Variants in WDFY3 observed in about 807,000 individuals in gnomAD.
The protein encoded by WDFY3 is WD repeat and FYVE domain containing 3, also known as WD repeat and FYVE domain-containing protein 3.
In WDFY3, 66 loss-of-function variants were observed where a neutral mutation model predicts 409.6. The observed-to-expected ratio is 0.16, with a 90% CI of 0.13 to 0.20. WDFY3 has a LOEUF of 0.20. Among genes scored for constraint, WDFY3 ranks in the 10% least tolerant of loss-of-function variants. The pLI is 1.00. For synonymous variants in WDFY3, 1,521 were observed against 1,537.1 expected, an observed-to-expected ratio of 0.99 and a Z score of 0.25; for missense variants, 3,031 against 4,298.1, an observed-to-expected ratio of 0.71 and a Z score of 8.24.
chr4:84,952,833 T>A (rs751633031), intron 1 of WDFY3, among the ~76,000 whole-genome samples: 2 of 152,116 alleles, frequency 1.3e-5, no homozygotes, highest in African/African-American at 4.8e-5. Context: ...TTAAAAAGCA[T>A]ACATGGTAGA....
rs552471287 is a variant in WDFY3, at chr4:84,672,272, A to C, written c.*596T>G. The stretch of plus-strand genomic sequence containing the variant: ...ACACAGGCTGAGCTTGAAAGGAAAA[A>C]AAGACCACAGATAATGTCTTTGGGG... On this transcript the variant is annotated 3_prime_UTR_variant, in exon 68 of 68. Transcript: ENST00000295888. 6.6e-6 allele frequency: 1 copy of C among 152,206 alleles called. No individual in the cohort carries two copies. 9.4% of individuals were successfully genotyped at this position (152,206 alleles called of 1,614,324 possible). A position where few individuals can be genotyped will look rare whatever the true frequency, so the allele number is the denominator to read the frequency against.
chr4:84,764,472 A>G (rs911151055), intron 32 of WDFY3, among the ~76,000 whole-genome samples: 1 of 152,214 alleles, frequency 6.6e-6, no homozygotes, highest in Non-Finnish European at 1.5e-5. Flanking sequence ...TCACTGTGAC[A>G]TGGAAATGAT....
rs1228969491 is a variant in WDFY3, at chr4:84,811,997, T to C, written c.1888-1653A>G. On this transcript the variant is annotated intron_variant, in intron 13 of 67. Coordinates refer to ENST00000295888, the MANE Select transcript of WDFY3 (RefSeq NM_014991.6). ...TGAGGTCAGGTGTGGAATTTTCCAC[T>C]TGTCAGCACTCAAAAAGATTGCAGC... 2.6e-5 allele frequency among the ~76,000 whole-genome samples: 4 copies of C among 152,182 alleles called. No individual in the cohort carries two copies. The East Asian group carries it at 7.7e-4, about 29-fold the overall frequency.
intron 25 of WDFY3, among the ~76,000 whole-genome samples, chr4:84,781,076 A>C (rs1746426949): frequency 6.6e-6 from 1 of 152,134 alleles, no homozygotes; most frequent in Non-Finnish European, 1.5e-5. Context: ...GGCGGGGATG[A>C]TGTATTTCCT....
intron 32 of WDFY3, among the ~76,000 whole-genome samples, chr4:84,760,685 T>G (rs1186027039): frequency 2.0e-5 from 3 of 150,678 alleles, no homozygotes; most frequent in Non-Finnish European, 4.4e-5. Context: ...ATCTATTTGA[T>G]TCTTCTCTCT....
intron 1 of WDFY3, among the ~76,000 whole-genome samples, chr4:84,944,527 A>T (rs1429091695): frequency 6.8e-6 from 1 of 147,702 alleles, no homozygotes; most frequent in Non-Finnish European, 1.5e-5. Flanking sequence ...CAGACCGTGT[A>T]TCAAAAAATA....
chr4:84,748,001 A>C (rs994680970), intron 36 of WDFY3, among the ~76,000 whole-genome samples: 2 of 151,880 alleles, frequency 1.3e-5, no homozygotes, highest in African/African-American at 4.8e-5. Flanking sequence ...ACTAACACGC[A>C]CTCCAAGTCA....
intron 3 of WDFY3, chr4:84,886,586 A>G (rs193082476): frequency 1.3e-4 from 20 of 152,272 alleles, no homozygotes; most frequent in African/African-American, 4.6e-4. Context: ...AAAATTCCTT[A>G]AAATAAATTT....
At chr4:84,770,525 T>C (rs1388850942) in intron 30 of WDFY3, among the ~76,000 whole-genome samples, 2 of 152,198 alleles carry the variant, frequency 1.3e-5, no homozygotes, top group African/African-American at 4.8e-5. Flanking sequence ...TCCTTCTTTC[T>C]AGAACTAACG....
chr4:84,687,085 C>T (rs982248288), intron 62 of WDFY3, among the ~76,000 whole-genome samples: 1 of 152,138 alleles, frequency 6.6e-6, no homozygotes, highest in Admixed American at 6.5e-5. Flanking sequence ...CCAAATGTCA[C>T]CCTTTTTACT....
In WDFY3 at chr4:84,821,150, T is replaced by C. The variant is rs781505933; in HGVS notation, c.1525A>G (p.Met509Val). 6.2e-7 allele frequency: 1 copy of C among 1,613,720 alleles called. No individual in the cohort carries two copies. The highest frequency in any genetic ancestry group is 8.5e-7 in the Non-Finnish European group (1 of 1,179,788). ...GCATATTTATGCAAAAGGTTTACCA[T>C]GACCTCCAAAAGGCCAACCTCCCTG... ...VFREVGLLEV[M>V]VNLLHKYAAL... Residue 509 changes from methionine to valine, a missense_variant, in exon 11 of 68, where the codon ATG (methionine) becomes GTG (valine). Transcript: ENST00000295888.
chr4:84,728,033 C>A (rs1735949497), intron 44 of WDFY3, among the ~76,000 whole-genome samples: 2 of 148,952 alleles, frequency 1.3e-5, no homozygotes, highest in Non-Finnish European at 3.0e-5. Context: ...TCAGGAAATC[C>A]AACATTAAAA....
intron 12 of WDFY3, among the ~76,000 whole-genome samples, chr4:84,819,584 G>A (rs1353262618): frequency 4.0e-5 from 6 of 151,892 alleles, no homozygotes; most frequent in African/African-American, 1.5e-4. Flanking sequence ...GTTAATGACA[G>A]GTAGAAAAGT....
chr4:84,848,735 C>G lies in WDFY3; in HGVS notation c.304+1167G>C, dbSNP rs1758459398. ...ACAATGGGGGATGGAGAGGAGGAGA[C>G]AGAAGTATCTCTCCATTTAAACGTA... On this transcript the variant is annotated intron_variant, in intron 5 of 67. Coordinates refer to ENST00000295888, the MANE Select transcript of WDFY3 (RefSeq NM_014991.6). Among the ~76,000 whole-genome samples, 5 of 152,174 alleles carry G rather than the reference C, an allele frequency of 3.3e-5. No individual in the cohort carries two copies. The South Asian group carries it at 1.0e-3, about 31-fold the overall frequency.
intron 36 of WDFY3, among the ~76,000 whole-genome samples, chr4:84,749,857 C>T (rs2149285565): frequency 6.6e-6 from 1 of 152,300 alleles, no homozygotes; most frequent in Non-Finnish European, 1.5e-5. Context: ...AGGGCAAATT[C>T]ATGCCCACAA....
intron 36 of WDFY3, 73 bp from the exon 37 acceptor site, chr4:84,743,872 A>C: frequency 1.0e-6 from 1 of 986,856 alleles, no homozygotes; most frequent in East Asian, 2.9e-5. Context: ...CATTTACATT[A>C]CCTAATATAT....
rs367912797 is a variant in WDFY3, at chr4:84,820,074, T to A, written c.1693+11A>T. 87 of 1,589,534 alleles carry A rather than the reference T, an allele frequency of 5.5e-5. No homozygotes were observed. The African/African-American group carries it at 8.0e-4, about 15-fold the overall frequency. On this transcript the variant is annotated intron_variant, in intron 12 of 67. Coordinates refer to ENST00000295888, the MANE Select transcript of WDFY3 (RefSeq NM_014991.6). ...TCTCCCAAAGTATTTGCTTGCAGCT[T>A]TTTAAATTACCTGCATTTGTGTTTG... is the stretch of plus-strand genomic sequence containing the variant.
chr4:84,749,060 A>C (rs1443555215), intron 36 of WDFY3, among the ~76,000 whole-genome samples: 1 of 151,912 alleles, frequency 6.6e-6, no homozygotes. Context: ...GCTATGGCTA[A>C]TTTTTTTGTA....
intron 2 of WDFY3, among the ~76,000 whole-genome samples, chr4:84,914,203 C>T (rs1446922911): frequency 6.6e-6 from 1 of 151,976 alleles, no homozygotes; most frequent in African/African-American, 2.4e-5. Context: ...GGGCGGATCA[C>T]AAGGTGAGGA....
Sources: gnomAD v4.1 joint callset for allele counts (sites outside exome capture counted in the v4.1 genomes callset) on GRCh38, gnomAD v4.1.1 for gene constraint, MANE v1.5 for transcripts, NCBI Gene and HGNC (gene_info 2026-07-23, HGNC 2026-07-21) for gene names.